Variants in GPR84 observed in about 807,000 individuals in gnomAD.
GPR84 encodes the protein G protein-coupled receptor 84.
A neutral mutation model predicts 14.9 loss-of-function variants in GPR84; 8 were observed. The observed-to-expected ratio is 0.54, with a 90% CI of 0.31 to 0.97. The LOEUF (loss-of-function observed/expected upper bound fraction) is 0.97. GPR84 is among the 50% of genes least tolerant of loss of function. GPR84 has a pLI of 0.04. For synonymous variants in GPR84, 164 were observed against 198.1 expected (o/e 0.83, Z 1.45); for missense variants, 424 against 498.7 (o/e 0.85, Z 1.43).
the GPR84 span, among the ~76,000 whole-genome samples, chr12:54,354,741 G>T: frequency 1.3e-5 from 2 of 151,826 alleles, no homozygotes; most frequent in Non-Finnish European, 2.9e-5. Flanking sequence ...CACCATGCCC[G>T]GCCTATGCCT....
the GPR84 span, among the ~76,000 whole-genome samples, chr12:54,355,449 C>A: frequency 1.3e-5 from 2 of 152,012 alleles, no homozygotes; most frequent in African/African-American, 2.4e-5. Flanking sequence ...CTTGAGGCAC[C>A]CCATACTAGC....
At chr12:54,353,978 AC>A in the GPR84 span, 1 of 152,216 alleles carries the variant, frequency 6.6e-6, no homozygotes, top group African/African-American at 2.4e-5. Context: ...TTGTCTTTGA[AC>A]CTGTATCTCA....
chr12:54,361,746 G>C (rs1268843333), downstream of GPR84, among the ~76,000 whole-genome samples: 1 of 152,194 alleles, frequency 6.6e-6, no homozygotes, highest in African/African-American at 2.4e-5. This position sits in a 1 kb window ranked among gnomAD's most constrained non-coding sequence, Gnocchi z 4.3. Context: ...GACCTTAGGT[G>C]ATCTGCCCAC....
the GPR84 span, chr12:54,351,475 C>T: frequency 5.2e-5 from 8 of 152,426 alleles, no homozygotes; most frequent in East Asian, 1.5e-3. Context: ...CCTACCCTCT[C>T]TCTGCCTCAG....
chr12:54,363,210 T>C lies in GPR84; in HGVS notation c.642A>G (p.Gln214=), dbSNP rs758893753. 3 of 1,614,216 alleles carry C rather than the reference T, an allele frequency of 1.9e-6. No individual in the cohort carries two copies. The East Asian group carries it at 6.7e-5, about 36-fold the overall frequency. Residue 214 remains glutamine, a synonymous_variant, in exon 2 of 2, where the codon CAA becomes CAG. Coordinates refer to ENST00000267015, the MANE Select transcript of GPR84 (RefSeq NM_020370.3). ...GGATGCTTGCCTGTCGCAACTTGTA[T>C]TGGTCCAGTGCCTGTGCTGCTCGTT... The part of the protein sequence containing the change: ...QVKRAAQALD[Q]YKLRQASIHS...
downstream of GPR84, among the ~76,000 whole-genome samples, chr12:54,360,721 T>C (rs1261852849): frequency 6.6e-6 from 1 of 152,138 alleles, no homozygotes; most frequent in African/African-American, 2.4e-5. Flanking sequence ...TACTTTGTTC[T>C]CTCAAACCAT....
At chr12:54,364,224 A>G in intron 1 of GPR84, 169 bp downstream of exon 1, 1 of 183,334 alleles carries the variant, frequency 5.5e-6, no homozygotes, top group South Asian at 1.3e-4. Flanking sequence ...GACCCCCAGG[A>G]GTCCCCTCTC....
At chr12:54,352,528 T>C in the GPR84 span, among the ~76,000 whole-genome samples, 23 of 152,110 alleles carry the variant, frequency 1.5e-4, no homozygotes, top group Non-Finnish European at 2.8e-4. Flanking sequence ...GGGGGGAGTG[T>C]GGGGAGCCTC....
chr12:54,350,775 C>G, the GPR84 span: 153 of 559,948 alleles, frequency 2.7e-4, no homozygotes, highest in Non-Finnish European at 4.1e-4. Flanking sequence ...CACCCTCTTT[C>G]TTTCTAGACT....
chr12:54,355,781 C>G, the GPR84 span, among the ~76,000 whole-genome samples: 2 of 152,108 alleles, frequency 1.3e-5, no homozygotes, highest in Non-Finnish European at 2.9e-5. Context: ...AGCCAGAGAC[C>G]AGGGCTGAGG....
At chr12:54,355,640 A>G in the GPR84 span, among the ~76,000 whole-genome samples, 1 of 150,966 alleles carries the variant, frequency 6.6e-6, no homozygotes, top group Non-Finnish European at 1.5e-5. Flanking sequence ...GCTCCTGTCT[A>G]TCTTCTCCCC....
chr12:54,357,127 C>T, the GPR84 span, among the ~76,000 whole-genome samples: 1 of 152,162 alleles, frequency 6.6e-6, no homozygotes, highest in East Asian at 1.9e-4. Flanking sequence ...TAGCATCAAT[C>T]CCCATCTTGC....
chr12:54,358,936 C>T (rs1036750579), downstream of GPR84, among the ~76,000 whole-genome samples: 2 of 152,156 alleles, frequency 1.3e-5, no homozygotes, highest in South Asian at 4.1e-4. Context: ...ATCCACACCC[C>T]TCAAACTCGA....
chr12:54,363,418 C>G lies in GPR84; in HGVS notation c.434G>C (p.Trp145Ser), dbSNP rs750522266. The part of the protein sequence containing the change: ...KGIVLALVST[W>S]VVGVASFAPL... Reference sequence around the variant, plus strand: ...AGCAAAGCTGGCCACGCCCACAACCCAGGTGCTCACCAGTGCCAGCACTAT... The same window carrying G: ...AGCAAAGCTGGCCACGCCCACAACCGAGGTGCTCACCAGTGCCAGCACTAT... The change falls in exon 2 of 2, where the codon TGG becomes TCG. Residue 145 changes from tryptophan (W) to serine (S), a missense_variant. Trp to Ser is a radical substitution (Grantham distance 177, BLOSUM62 -3). Coordinates refer to ENST00000267015, the MANE Select transcript of GPR84 (RefSeq NM_020370.3). 2.4e-5 allele frequency: 39 copies of G among 1,613,952 alleles called. No homozygotes were observed. The South Asian group carries it at 4.2e-4, about 17-fold the overall frequency.
the GPR84 span, among the ~76,000 whole-genome samples, chr12:54,352,737 C>A: frequency 6.6e-6 from 1 of 152,154 alleles, no homozygotes; most frequent in Non-Finnish European, 1.5e-5. Flanking sequence ...GCCTGCTCTT[C>A]TGTGAAAACC....
downstream of GPR84, chr12:54,362,392 C>T: frequency 2.7e-6 from 1 of 374,174 alleles, no homozygotes; most frequent in Non-Finnish European, 4.8e-6. The surrounding 1 kb of genome is among the most constrained non-coding windows in gnomAD (Gnocchi z 4.0). Context: ...TAGCCTGGCC[C>T]CTGAGCCTAA....
the GPR84 span, among the ~76,000 whole-genome samples, chr12:54,356,454 C>T: frequency 1.1e-4 from 16 of 152,236 alleles, no homozygotes; most frequent in East Asian, 1.3e-3. Context: ...CAGGAGTTTC[C>T]GAGAAACCAG....
chr12:54,358,390 C>T (rs1190869631), downstream of GPR84, among the ~76,000 whole-genome samples: 1 of 152,120 alleles, frequency 6.6e-6, no homozygotes, highest in African/African-American at 2.4e-5. Context: ...TCTCTCACGG[C>T]ACCTTTCCTC....
At chr12:54,356,385 C>T in the GPR84 span, among the ~76,000 whole-genome samples, 1 of 152,140 alleles carries the variant, frequency 6.6e-6, no homozygotes, top group Admixed American at 6.5e-5. Context: ...ACTATTGGCC[C>T]GAAATTGTCT....
Sources: gnomAD v4.1 joint callset for allele counts (sites outside exome capture counted in the v4.1 genomes callset) on GRCh38, gnomAD v4.1.1 for gene constraint, Gnocchi (gnomAD v3.1) non-coding constraint, MANE v1.5 for transcripts, NCBI Gene and HGNC (gene_info 2026-07-23, HGNC 2026-07-21) for gene names.